RAI2: variants seen among roughly 807,000 people sequenced by gnomAD.
RAI2 encodes the protein retinoic acid induced 2.
In RAI2, 5 loss-of-function variants were observed where a neutral mutation model predicts 15.3. The observed-to-expected ratio is 0.33, with a 90% CI of 0.17 to 0.69. The LOEUF (loss-of-function observed/expected upper bound fraction) is 0.69. Ranked by LOEUF, RAI2 falls within the 30% of genes least tolerant of loss-of-function variation. The pLI, the probability that RAI2 is intolerant of heterozygous loss-of-function variation, is 0.69. For synonymous variants in RAI2, 191 were observed against 184.0 expected, an observed-to-expected ratio of 1.04 and a Z score of -0.31; for missense variants, 424 against 424.7, an observed-to-expected ratio of 1.00 and a Z score of 0.01.
chrX:17,824,710 C>T (rs2067207571), intron 1 of RAI2, among the ~76,000 whole-genome samples: 1 of 112,146 alleles, frequency 8.9e-6, no homozygotes, highest in Non-Finnish European at 1.9e-5. Context: ...CAATTTGAAG[C>T]CTTGTCCAAC....
intron 1 of RAI2, among the ~76,000 whole-genome samples, chrX:17,817,031 C>T (rs927689305): frequency 1.8e-5 from 2 of 111,738 alleles, no homozygotes; most frequent in Non-Finnish European, 3.8e-5. Flanking sequence ...GCCTGAATCA[C>T]GGCTTGCAGG....
rs763636477 is a variant in RAI2, at chrX:17,801,697, T to C, written c.314A>G (p.Asn105Ser). ...QVEGSSAPEL[N>S]PNGNATYVMT... ...GACGTAGGTGGCATTGCCATTCGGA[T>C]TGAGCTCTGGTGCGGAGCTTCCCTC... Residue 105 changes from asparagine (N) to serine (S), a missense_variant, in exon 2 of 2, where the codon AAT becomes AGT. By Grantham distance (46) the Asn-to-Ser change is conservative (BLOSUM62 1). Coordinates refer to ENST00000451717, the MANE Select transcript of RAI2 (RefSeq NM_021785.6). The C allele has an allele frequency of 8.3e-7, 1 of 1,210,023 alleles. No homozygotes were observed. The highest frequency in any genetic ancestry group is 3.0e-5 in the East Asian group (1 of 33,711).
chrX:17,802,125 G>A lies in RAI2; in HGVS notation c.-24-91C>T, dbSNP rs150605370. ...TCTCACATCTTTAGAAAGTTTCCACGTTTTAGTTAACCAGGGAGCATAACC... is the reference window on the plus strand; with the variant it reads ...TCTCACATCTTTAGAAAGTTTCCACATTTTAGTTAACCAGGGAGCATAACC... On this transcript the variant is annotated intron_variant, in intron 1 of 1. Coordinates refer to ENST00000451717, the MANE Select transcript of RAI2 (RefSeq NM_021785.6). 1,934 of 1,040,056 alleles carry A rather than the reference G, an allele frequency of 1.9e-3. 19 individuals are homozygous for A. The African/African-American group carries it at 0.029, about 16-fold the overall frequency. 85.7% of individuals were successfully genotyped at this position (1,040,056 alleles called of 1,213,427 possible). A position where few individuals can be genotyped will look rare whatever the true frequency, so the allele number is the denominator to read the frequency against.
In RAI2 at chrX:17,806,398, A is replaced by C. The variant is rs749956921; in HGVS notation, c.-24-4364T>G. Among the ~76,000 whole-genome samples the C allele has an allele frequency of 1.8e-4, 20 of 112,468 alleles. No individual in the cohort carries two copies. In the East Asian group the frequency reaches 4.2e-3, roughly 24 times the overall value. ...TGGGTTTAAATGAGGGCACCCATCC[A>C]TTCCACCTGTCCCCATTATCCCCAG... On this transcript the variant is annotated intron_variant, in intron 1 of 1. Transcript: ENST00000451717.
intron 1 of RAI2, among the ~76,000 whole-genome samples, chrX:17,836,273 T>C (rs2067333314): frequency 8.9e-6 from 1 of 111,968 alleles, no homozygotes; most frequent in Admixed American, 9.5e-5. Context: ...GATAGGGTTA[T>C]GTCCTGTCAT....
At chrX:17,832,806 C>T (rs2067297326) in intron 1 of RAI2, among the ~76,000 whole-genome samples, 2 of 112,032 alleles carry the variant, frequency 1.8e-5, no homozygotes, top group African/African-American at 6.5e-5. Flanking sequence ...TCCCTCCTTA[C>T]CCCACAATTA....
Position 17,800,308 on chromosome X carries a change from C to G in RAI2, c.*110G>C. The G allele has an allele frequency of 9.8e-7, 1 of 1,023,541 alleles. No individual in the cohort carries two copies. Among genetic ancestry groups the G allele is most frequent in the Non-Finnish European group, 1.3e-6 (1 of 772,894 alleles). The allele number at this position is 1,023,541 out of a possible 1,213,427, so 84.4% of individuals were successfully genotyped here. ...AGAGCCAATTCACCTTTCCATTTCCCAACTACTCCCCAAAATAATTAACAA... is the reference window on the plus strand; with the variant it reads ...AGAGCCAATTCACCTTTCCATTTCCGAACTACTCCCCAAAATAATTAACAA... On this transcript the variant is annotated 3_prime_UTR_variant, in exon 2 of 2. Coordinates refer to ENST00000451717, the MANE Select transcript of RAI2 (RefSeq NM_021785.6).
Position 17,801,653 on chromosome X carries a change from C to T in RAI2, c.358G>A (p.Val120Met), listed in dbSNP as rs768853446. 4 of 1,209,886 alleles carry T rather than the reference C, an allele frequency of 3.3e-6. No homozygotes were observed. Among genetic ancestry groups the T allele is most frequent in the Admixed American group, 2.2e-5 (1 of 45,862 alleles). Residue 120 changes from valine to methionine, a missense_variant, in exon 2 of 2, where the codon GTG becomes ATG. Coordinates refer to ENST00000451717, the MANE Select transcript of RAI2 (RefSeq NM_021785.6). Reference protein sequence around the residue: ...ATYVMTTQGPVQLPVVLEQHV... With the variant: ...ATYVMTTQGPMQLPVVLEQHV... ...TGCTCCAGCACCACGGGCAGTTGCACGGGGCCCTGGGTGGTCATGACGTAG... is the reference window on the plus strand; with the variant it reads ...TGCTCCAGCACCACGGGCAGTTGCATGGGGCCCTGGGTGGTCATGACGTAG...
intron 1 of RAI2, among the ~76,000 whole-genome samples, chrX:17,817,673 C>T (rs773205892): frequency 2.4e-4 from 27 of 112,361 alleles, no homozygotes; most frequent in Non-Finnish European, 4.9e-4. Flanking sequence ...TGGCACAACA[C>T]AGGCAAACAT....
At chrX:17,848,135 C>G (rs1001904654) in intron 1 of RAI2, among the ~76,000 whole-genome samples, 1 of 111,028 alleles carries the variant, frequency 9.0e-6, no homozygotes, top group South Asian at 3.9e-4. Flanking sequence ...TTATCAGCAT[C>G]TAAGTGCTGC....
At chrX:17,809,865 T>G (rs1212818478) in intron 1 of RAI2, among the ~76,000 whole-genome samples, 1 of 111,417 alleles carries the variant, frequency 9.0e-6, no homozygotes, top group African/African-American at 3.3e-5. Context: ...CCTCCAAGAC[T>G]CAAGCAACCC....
At chrX:17,854,840 A>G (rs991630446) in intron 1 of RAI2, among the ~76,000 whole-genome samples, 1 of 110,505 alleles carries the variant, frequency 9.0e-6, no homozygotes, top group Non-Finnish European at 1.9e-5. Flanking sequence ...AACAAAACCA[A>G]CTCCTTCTGA....
At chrX:17,828,173 C>A (rs2067246690) in intron 1 of RAI2, among the ~76,000 whole-genome samples, 1 of 110,916 alleles carries the variant, frequency 9.0e-6, no homozygotes, top group Non-Finnish European at 1.9e-5. Context: ...GGGTGGGTCA[C>A]CCTGGTCTTG....
At chrX:17,822,597 A>C (rs1185065000) in intron 1 of RAI2, among the ~76,000 whole-genome samples, 1 of 112,021 alleles carries the variant, frequency 8.9e-6, no homozygotes, top group African/African-American at 3.3e-5. Context: ...GACTTCCGAG[A>C]GCCTCTGATT....
chrX:17,828,654 G>T (rs2067251098), intron 1 of RAI2, among the ~76,000 whole-genome samples: 1 of 111,866 alleles, frequency 8.9e-6, no homozygotes, highest in South Asian at 3.8e-4. Flanking sequence ...AGCCCAAGCT[G>T]GACCCCAGGG....
At chrX:17,839,176 C>T (rs1209223972) in intron 1 of RAI2, among the ~76,000 whole-genome samples, 1 of 112,437 alleles carries the variant, frequency 8.9e-6, no homozygotes, top group African/African-American at 3.2e-5. Context: ...CAGGTTTCTG[C>T]CTGGTTCTGT....
chrX:17,856,230 T>C (rs757877733), intron 1 of RAI2, among the ~76,000 whole-genome samples: 5 of 112,152 alleles, frequency 4.5e-5, no homozygotes, highest in Non-Finnish European at 7.5e-5. Flanking sequence ...AAAATGGGCT[T>C]TTATGAAAGG....
chrX:17,856,104 G>A (rs556079127), intron 1 of RAI2, among the ~76,000 whole-genome samples: 1 of 112,342 alleles, frequency 8.9e-6, no homozygotes, highest in South Asian at 3.7e-4. Context: ...GGTGTGAGCA[G>A]AGTGTGCTCC....
intron 1 of RAI2, chrX:17,860,362 A>T (rs1222511607): frequency 8.9e-6 from 1 of 112,565 alleles, no homozygotes; most frequent in Admixed American, 9.3e-5. Context: ...CTCCCTCCGC[A>T]GCAAAAGGCG....
Sources: gnomAD v4.1 joint callset for allele counts (sites outside exome capture counted in the v4.1 genomes callset) on GRCh38, gnomAD v4.1.1 for gene constraint, MANE v1.5 for transcripts, NCBI Gene and HGNC (gene_info 2026-07-23, HGNC 2026-07-21) for gene names.